DTNA: variants seen among roughly 807,000 people sequenced by gnomAD.
The protein encoded by DTNA is dystrophin-related protein 3.
In DTNA, 43 loss-of-function variants were observed where a neutral mutation model predicts 100.7. The observed-to-expected ratio is 0.43, with a 90% CI of 0.33 to 0.55. The LOEUF (loss-of-function observed/expected upper bound fraction) is 0.55. DTNA is among the 20% of genes least tolerant of loss of function. The pLI is 0.04. For missense variants in DTNA, 798 were observed against 953.9 expected (o/e 0.84, Z 2.15); for synonymous variants, 349 against 347.9 (o/e 1.00, Z -0.04).
At chr18:34,520,522 C>CGG (rs2042052903) in intron 1 of DTNA, among the ~76,000 whole-genome samples, 1 of 152,024 alleles carries the variant, frequency 6.6e-6, no homozygotes, top group Non-Finnish European at 1.5e-5. Context: ...GGCATGGTGG[C>CGG]ACATGCCTGT....
chr18:34,603,894 GT>G (rs751330286), intron 1 of DTNA, among the ~76,000 whole-genome samples: 73 of 151,968 alleles, frequency 4.8e-4, no homozygotes, highest in Non-Finnish European at 7.9e-4. Context: ...AAGTTCAGAA[GT>G]TTTAAAGCTT....
At chr18:34,850,220 T>C (rs1237089910) in intron 14 of DTNA, among the ~76,000 whole-genome samples, 3 of 152,250 alleles carry the variant, frequency 2.0e-5, no homozygotes, top group Non-Finnish European at 4.4e-5. Flanking sequence ...AATGTTTTTC[T>C]TTATAATTCC....
chr18:34,779,936 G>T (rs1448442886), intron 3 of DTNA, among the ~76,000 whole-genome samples: 2 of 152,098 alleles, frequency 1.3e-5, no homozygotes, highest in Non-Finnish European at 2.9e-5. Context: ...TCCTGATTTT[G>T]TAGATTGGTA....
chr18:34,703,880 A>T (rs1248213191), intron 1 of DTNA, among the ~76,000 whole-genome samples: 1 of 152,062 alleles, frequency 6.6e-6, no homozygotes, highest in African/African-American at 2.4e-5. Flanking sequence ...GCATTTCTTC[A>T]GTATTTCCTT....
At chr18:34,759,591 G>T (rs1435858189) in intron 2 of DTNA, among the ~76,000 whole-genome samples, 1 of 152,210 alleles carries the variant, frequency 6.6e-6, no homozygotes, top group African/African-American at 2.4e-5. Context: ...GGGGAGAAAT[G>T]AGAGTGATGC....
chr18:34,681,731 C>CACACACACACACACACACACACACA (rs1491407771), intron 1 of DTNA, among the ~76,000 whole-genome samples: 8 of 148,160 alleles, frequency 5.4e-5, no homozygotes, highest in African/African-American at 2.0e-4. Flanking sequence ...CACACACACA[C>CACACACACACACACACACACACACA]CCCACACACA....
intron 1 of DTNA, among the ~76,000 whole-genome samples, chr18:34,577,668 T>C (rs1307777436): frequency 3.3e-5 from 5 of 152,208 alleles, no homozygotes; most frequent in Non-Finnish European, 5.9e-5. Context: ...GTCTTACTTA[T>C]GAGTGAGAAC....
chr18:34,827,093 C>A (rs1323511102), intron 9 of DTNA, among the ~76,000 whole-genome samples: 2 of 152,134 alleles, frequency 1.3e-5, no homozygotes, highest in East Asian at 1.9e-4. Context: ...AGAACAAAGG[C>A]AAATAAGGTA....
intron 4 of DTNA, among the ~76,000 whole-genome samples, chr18:34,804,495 C>G (rs2095309647): frequency 1.3e-5 from 2 of 151,962 alleles, no homozygotes; most frequent in African/African-American, 4.8e-5. Flanking sequence ...ATTCAACATA[C>G]AGGTAACAAG....
In DTNA at chr18:34,735,786, C is replaced by A. The variant is rs565773776; in HGVS notation, c.-1-20190C>A. Among the ~76,000 whole-genome samples, 23 of 152,162 alleles carry A rather than the reference C, an allele frequency of 1.5e-4. No homozygotes were observed. The East Asian group carries it at 3.5e-3, about 23-fold the overall frequency. ...TTTGCTACACCTATCAACTCATTAC[C>A]CAGGTATTAAGCCCAGCATGCATTA... On this transcript the variant is annotated intron_variant, in intron 1 of 22. Transcript: ENST00000444659.
At position 34,891,839 on chromosome 18, in the gene DTNA, G is replaced by T. The variant is rs931285272; in HGVS notation, c.*4105G>T. 2 of 151,812 alleles carry T rather than the reference G, an allele frequency of 1.3e-5. No individual in the cohort carries two copies. The highest frequency in any genetic ancestry group is 6.6e-5 in the Admixed American group (1 of 15,202). The allele number at this position is 151,812 out of a possible 1,614,324, so 9.4% of individuals were successfully genotyped here. A position where few individuals can be genotyped will look rare whatever the true frequency, so the allele number is the denominator to read the frequency against. On this transcript the variant is annotated 3_prime_UTR_variant, in exon 23 of 23. Coordinates refer to ENST00000444659, the MANE Select transcript of DTNA (RefSeq NM_001386795.1). ...GTTGAATTACTGAATAAATGAATTA[G>T]TGGTGTTTGGTTTGTTTTTTTTTCT...
intron 1 of DTNA, among the ~76,000 whole-genome samples, chr18:34,743,343 C>G (rs2091044501): frequency 6.6e-6 from 1 of 152,102 alleles, no homozygotes; most frequent in Non-Finnish European, 1.5e-5. Flanking sequence ...TTCATTAACC[C>G]CATCTACTTG....
chr18:34,681,719 CACACACACACA>C (rs2078142317), intron 1 of DTNA, among the ~76,000 whole-genome samples: 1 of 151,074 alleles, frequency 6.6e-6, no homozygotes, highest in African/African-American at 2.5e-5. Context: ...CACACACACA[CACACACACACA>C]CCCCACACAC....
intron 17 of DTNA, chr18:34,868,497 A>G (rs2096731604): frequency 1.0e-6 from 1 of 985,308 alleles, no homozygotes; most frequent in South Asian, 4.7e-5. Flanking sequence ...ATCTGCTTCT[A>G]AATTCTGTTT....
intron 11 of DTNA, among the ~76,000 whole-genome samples, chr18:34,833,082 A>C (rs867989759): frequency 2.4e-4 from 36 of 152,268 alleles, no homozygotes; most frequent in African/African-American, 7.7e-4. Flanking sequence ...TTCTATATTA[A>C]TATAATTTGT....
At chr18:34,546,884 A>G (rs749861615) in intron 1 of DTNA, among the ~76,000 whole-genome samples, 6 of 151,524 alleles carry the variant, frequency 4.0e-5, no homozygotes, top group Non-Finnish European at 5.9e-5. Flanking sequence ...TAATTTTTGT[A>G]CTTTTTATTA....
chr18:34,501,174 A>G (rs2461352), intron 1 of DTNA, among the ~76,000 whole-genome samples: 138,479 of 152,220 alleles, frequency 0.91, 63,035 homozygotes, highest in East Asian at 0.94. Flanking sequence ...ATCACAAATA[A>G]GTATTGATTT....
chr18:34,844,745 T>G lies in DTNA; in HGVS notation c.1347-3551T>G, dbSNP rs184301498. 2.6e-5 allele frequency among the ~76,000 whole-genome samples: 4 copies of G among 152,294 alleles called. No individual in the cohort carries two copies. The East Asian group carries it at 7.7e-4, about 29-fold the overall frequency. ...GCTTTGGATCACAGTATTTTCTGGT[T>G]GACTACCCTAACTTAGAAAGCAGAA... On this transcript the variant is annotated intron_variant, in intron 13 of 22. Transcript: ENST00000444659.
At chr18:34,851,094 A>G (rs926019945) in intron 14 of DTNA, among the ~76,000 whole-genome samples, 7 of 152,136 alleles carry the variant, frequency 4.6e-5, no homozygotes, top group African/African-American at 7.2e-5. Flanking sequence ...CTTTAAAACT[A>G]TATTTTTATT....
Sources: allele counts gnomAD v4.1 joint callset (sites outside exome capture counted in the v4.1 genomes callset), GRCh38; gene constraint gnomAD v4.1.1; transcripts MANE v1.5; gene names NCBI Gene and HGNC (gene_info 2026-07-23, HGNC 2026-07-21).